Variants in ATXN1 observed in about 807,000 individuals in gnomAD.
The protein encoded by ATXN1 is ataxin 1.
A neutral mutation model predicts 56.4 loss-of-function variants in ATXN1; 8 were observed. That is an observed-to-expected ratio of 0.14 (90% confidence interval 0.08 to 0.26). The LOEUF is 0.26. Ranked by LOEUF, ATXN1 falls within the 10% of genes least tolerant of loss-of-function variation. ATXN1 has a pLI of 1.00. For synonymous variants in ATXN1, 514 were observed against 494.6 expected, an observed-to-expected ratio of 1.04 and a Z score of -0.52; for missense variants, 987 against 1,106.5, an observed-to-expected ratio of 0.89 and a Z score of 1.53.
chr6:16,383,567 A>G (rs6920318), intron 6 of ATXN1, among the ~76,000 whole-genome samples: 57,498 of 151,984 alleles, frequency 0.38, 12,265 homozygotes, highest in East Asian at 0.96. Context: ...GCCCTTCCCC[A>G]CCACACACAC....
rs1235756909 is a variant in ATXN1 at position 16,327,123 on chromosome 6, C to T, written c.1188G>A (p.Glu396=). ...PNSNTPAADL[E]VQQATHREAS... ...CTTCACGATGAGTGGCCTGTTGCAC[C>T]TCCAGGTCAGCTGCGGGCGTGTTGC... The change falls in exon 7 of 8, where the codon GAG becomes GAA. Residue 396 remains glutamate (E), a synonymous_variant. Transcript: ENST00000436367. 1.2e-6 allele frequency: 2 copies of T among 1,613,628 alleles called. No individual in the cohort carries two copies. The highest frequency in any genetic ancestry group is 8.5e-7 in the Non-Finnish European group (1 of 1,180,028).
At position 16,596,635 on chromosome 6, in the gene ATXN1, T is replaced by C. The variant is rs183472831; in HGVS notation, c.-488-10728A>G. 8.3e-4 allele frequency among the ~76,000 whole-genome samples: 127 copies of C among 152,334 alleles called. 3 individuals carry two copies. The highest frequency in any genetic ancestry group is 2.2e-4 in the Non-Finnish European group (15 of 68,038). On this transcript the variant is annotated intron_variant, in intron 3 of 7. Transcript: ENST00000436367. ...GAGAAATACTGTACTTCATTGTAAGTCCTTAATGAGGGACCAATTAGTCCT... is the reference window on the plus strand; with the variant it reads ...GAGAAATACTGTACTTCATTGTAAGCCCTTAATGAGGGACCAATTAGTCCT...
At chr6:16,457,727 C>A (rs920984262) in intron 6 of ATXN1, among the ~76,000 whole-genome samples, 1 of 152,168 alleles carries the variant, frequency 6.6e-6, no homozygotes, top group Non-Finnish European at 1.5e-5. Context: ...TTACATTCCA[C>A]AGGAGGACCT....
intron 4 of ATXN1, among the ~76,000 whole-genome samples, chr6:16,578,955 C>T (rs1762474919): frequency 6.6e-6 from 1 of 152,158 alleles, no homozygotes; most frequent in Admixed American, 6.5e-5. Context: ...TTCCACTTTC[C>T]CTGCTGTTTT....
intron 4 of ATXN1, among the ~76,000 whole-genome samples, chr6:16,550,383 CCTT>C (rs1561750995): frequency 1.3e-5 from 2 of 152,142 alleles, no homozygotes; most frequent in African/African-American, 4.8e-5. Flanking sequence ...CACACTTGTT[CCTT>C]CTTCTTTCAT....
intron 3 of ATXN1, among the ~76,000 whole-genome samples, chr6:16,636,508 C>T (rs73725209): frequency 0.16 from 23,909 of 152,156 alleles, 4,117 homozygotes; most frequent in African/African-American, 0.43. Context: ...TGGCCACTCC[C>T]CACTTTGTGG....
intron 2 of ATXN1, among the ~76,000 whole-genome samples, chr6:16,720,850 C>T (rs16878902): frequency 0.024 from 3,618 of 152,264 alleles, 141 homozygotes; most frequent in African/African-American, 0.081. Flanking sequence ...TATGAGAACC[C>T]ATTGAGGTAA....
chr6:16,344,559 C>T (rs745344845), intron 6 of ATXN1, among the ~76,000 whole-genome samples: 2 of 152,204 alleles, frequency 1.3e-5, no homozygotes, highest in African/African-American at 2.4e-5. Context: ...TTCCTGCCCT[C>T]GAACACCCGA....
intron 4 of ATXN1, among the ~76,000 whole-genome samples, chr6:16,539,490 A>G (rs1204688264): frequency 6.6e-6 from 1 of 152,186 alleles, no homozygotes. Context: ...ATAAGAGAGG[A>G]GCAGAGAGAT....
chr6:16,541,430 C>G (rs562881136), intron 4 of ATXN1, among the ~76,000 whole-genome samples: 2 of 152,308 alleles, frequency 1.3e-5, no homozygotes, highest in African/African-American at 2.4e-5. Context: ...TTCTTTGGAG[C>G]TCTTCTGTAT....
intron 2 of ATXN1, chr6:16,739,492 T>C (rs1296003704): frequency 8.3e-6 from 2 of 242,138 alleles, no homozygotes; most frequent in Admixed American, 4.3e-5. Flanking sequence ...TGTGAGCTAA[T>C]GCCAAGATGG....
At chr6:16,456,009 T>C (rs1759860900) in intron 6 of ATXN1, among the ~76,000 whole-genome samples, 1 of 152,030 alleles carries the variant, frequency 6.6e-6, no homozygotes, top group Non-Finnish European at 1.5e-5. Context: ...AAACAGAATA[T>C]GGGAGGGGAC....
chr6:16,761,118 C>T (rs1271029688), intron 1 of ATXN1, 180 bp downstream of exon 1: 1 of 365,838 alleles, frequency 2.7e-6, no homozygotes. Flanking sequence ...GCGTCGATTT[C>T]CTTCGCTCCT....
intron 6 of ATXN1, among the ~76,000 whole-genome samples, chr6:16,334,108 C>T (rs1407201839): frequency 2.6e-5 from 4 of 152,092 alleles, no homozygotes; most frequent in Admixed American, 2.0e-4. Context: ...ATTTTTAGTT[C>T]TGTTCTATTC....
In ATXN1 at chr6:16,306,116, C is replaced by A. The variant is rs1293165633; in HGVS notation, c.*213G>T. The A allele has an allele frequency of 3.9e-6, 2 of 517,360 alleles. No individual in the cohort carries two copies. Among genetic ancestry groups the A allele is most frequent in the East Asian group, 4.3e-5 (1 of 23,412 alleles). The allele number at this position is 517,360 out of a possible 1,614,324, so 32.0% of individuals were successfully genotyped here. ...GAGCCCTGACCGCTCCTGCTGTGCC[C>A]TTCCTCCCGCCCGCTCACTGACAGA... On this transcript the variant is annotated 3_prime_UTR_variant, in exon 8 of 8. Transcript: ENST00000436367. This position sits in a 1 kb window ranked among gnomAD's most constrained non-coding sequence, Gnocchi z 5.2.
intron 6 of ATXN1, among the ~76,000 whole-genome samples, chr6:16,448,622 CTG>C (rs1759682071): frequency 6.6e-6 from 1 of 152,202 alleles, no homozygotes; most frequent in African/African-American, 2.4e-5. Flanking sequence ...AGAAGGCACT[CTG>C]TAAGTATTGG....
At position 16,328,665 on chromosome 6, in the gene ATXN1, C is replaced by G. The variant is rs534187893; in HGVS notation, c.-160-195G>C. On this transcript the variant is annotated intron_variant, in intron 6 of 7. Coordinates refer to ENST00000436367, the MANE Select transcript of ATXN1 (RefSeq NM_001128164.2). This position sits in a 1 kb window ranked among gnomAD's most constrained non-coding sequence, Gnocchi z 6.2. ...GAAGCAGAGAAAACACTAGCCAACA[C>G]TTTGGGAGGCCGAGGCAGGCAGATC... Among the ~76,000 whole-genome samples the G allele has an allele frequency of 3.3e-5, 5 of 152,156 alleles. No individual in the cohort carries two copies. The highest frequency in any genetic ancestry group is 5.9e-5 in the Non-Finnish European group (4 of 68,038).
At chr6:16,741,905 C>T (rs562077385) in intron 2 of ATXN1, among the ~76,000 whole-genome samples, 6 of 152,126 alleles carry the variant, frequency 3.9e-5, no homozygotes, top group South Asian at 2.1e-4. Flanking sequence ...TTCATTTGGA[C>T]GATGTTGAGA....
At chr6:16,636,938 C>A (rs991771594) in intron 3 of ATXN1, among the ~76,000 whole-genome samples, 2 of 152,252 alleles carry the variant, frequency 1.3e-5, no homozygotes, top group African/African-American at 4.8e-5. Flanking sequence ...GACAGTGTGG[C>A]GATTCCTCAA....
Sources: allele counts gnomAD v4.1 joint callset (sites outside exome capture counted in the v4.1 genomes callset), GRCh38; gene constraint gnomAD v4.1.1; non-coding constraint Gnocchi (gnomAD v3.1); transcripts MANE v1.5; gene names NCBI Gene and HGNC (gene_info 2026-07-23, HGNC 2026-07-21).